DEUP1: variants seen among roughly 807,000 people sequenced by gnomAD.
DEUP1 encodes the protein deuterosome assembly protein 1, also known as coiled-coil domain containing 67.
Under a neutral mutation model 87.4 loss-of-function variants are expected in DEUP1, and 82 were observed. The observed-to-expected ratio is 0.94, with a 90% CI of 0.78 to 1.13. The LOEUF (loss-of-function observed/expected upper bound fraction) is 1.13. DEUP1 is among the 50% of genes most tolerant of loss of function. The pLI, the probability that DEUP1 is intolerant of heterozygous loss-of-function variation, is 0.00. For missense variants in DEUP1, 663 were observed against 681.5 expected (o/e 0.97, Z 0.30); for synonymous variants, 214 against 222.7 (o/e 0.96, Z 0.35).
At chr11:93,436,471 T>TA (rs1948252159) in intron 13 of DEUP1, among the ~76,000 whole-genome samples, 1 of 152,202 alleles carries the variant, frequency 6.6e-6, no homozygotes, top group African/African-American at 2.4e-5. Flanking sequence ...TTGCCAATAT[T>TA]AAAAATAATG....
chr11:93,384,423 GCTTTAGGCAATT>G (rs1281978631), intron 7 of DEUP1, among the ~76,000 whole-genome samples: 1 of 152,112 alleles, frequency 6.6e-6, no homozygotes, highest in Non-Finnish European at 1.5e-5. Flanking sequence ...CCTTACTTTT[GCTTTAGGCAATT>G]CTCCCAATGT....
At chr11:93,437,222 T>C (rs1382299777) in intron 13 of DEUP1, among the ~76,000 whole-genome samples, 1 of 152,236 alleles carries the variant, frequency 6.6e-6, no homozygotes, top group Non-Finnish European at 1.5e-5. Flanking sequence ...CAAATGAAAA[T>C]CATTGGCTTT....
chr11:93,417,713 T>G (rs11493119), intron 13 of DEUP1, among the ~76,000 whole-genome samples: 97,295 of 128,542 alleles, frequency 0.76, 35,377 homozygotes, highest in East Asian at 0.81. Flanking sequence ...AAAAGAGCCC[T>G]CATCGCCAAG....
chr11:93,347,884 C>T (rs1023710093), intron 2 of DEUP1, among the ~76,000 whole-genome samples: 8 of 152,032 alleles, frequency 5.3e-5, no homozygotes, highest in African/African-American at 9.7e-5. Flanking sequence ...GGACTACAGG[C>T]GCGTGCCACC....
At chr11:93,335,243 G>T (rs1591069142) in intron 2 of DEUP1, among the ~76,000 whole-genome samples, 1 of 144,556 alleles carries the variant, frequency 6.9e-6, no homozygotes, top group Admixed American at 6.7e-5. Flanking sequence ...TACTGTCATA[G>T]TCATAGGATA....
At chr11:93,345,413 A>G (rs1944296527) in intron 2 of DEUP1, among the ~76,000 whole-genome samples, 1 of 152,156 alleles carries the variant, frequency 6.6e-6, no homozygotes, top group African/African-American at 2.4e-5. Flanking sequence ...TTCTGTTTTT[A>G]GGTCTTTGAG....
intron 13 of DEUP1, among the ~76,000 whole-genome samples, chr11:93,430,768 G>T (rs1948078864): frequency 6.6e-6 from 1 of 152,124 alleles, no homozygotes; most frequent in African/African-American, 2.4e-5. Flanking sequence ...AACAAGAGGA[G>T]AAAAATTAAT....
chr11:93,364,331 A>G, intron 5 of DEUP1, 37 bp downstream of exon 5: 1 of 1,568,340 alleles, frequency 6.4e-7, no homozygotes, highest in Non-Finnish European at 8.8e-7. Context: ...ATGTGTATTA[A>G]AGATTGATTC....
At chr11:93,400,461 C>T (rs1009839695) in intron 11 of DEUP1, among the ~76,000 whole-genome samples, 5 of 152,238 alleles carry the variant, frequency 3.3e-5, no homozygotes, top group African/African-American at 1.2e-4. Context: ...CATCCTCTCT[C>T]CTTATGTGTC....
At chr11:93,371,513 C>T (rs934580340) in intron 7 of DEUP1, among the ~76,000 whole-genome samples, 1 of 152,090 alleles carries the variant, frequency 6.6e-6, no homozygotes, top group African/African-American at 2.4e-5. Context: ...TAATGTATTA[C>T]CAGTGCAATA....
chr11:93,416,953 G>C (rs1171263006), intron 13 of DEUP1, among the ~76,000 whole-genome samples: 2 of 152,160 alleles, frequency 1.3e-5, no homozygotes, highest in Admixed American at 1.3e-4. Flanking sequence ...AATAGATTCA[G>C]AAAAAGCATT....
At chr11:93,403,429 T>A (rs970357009) in intron 11 of DEUP1, among the ~76,000 whole-genome samples, 1 of 151,898 alleles carries the variant, frequency 6.6e-6, no homozygotes, top group Non-Finnish European at 1.5e-5. Flanking sequence ...ATTTCAGTAA[T>A]TTGTATTTTT....
intron 2 of DEUP1, among the ~76,000 whole-genome samples, chr11:93,337,034 A>T (rs1472965678): frequency 2.0e-5 from 3 of 152,078 alleles, no homozygotes; most frequent in Non-Finnish European, 4.4e-5. Flanking sequence ...TTAGCCATTG[A>T]TCTCATTCAT....
chr11:93,413,691 A>G (rs1449470063), intron 12 of DEUP1, among the ~76,000 whole-genome samples: 2 of 152,204 alleles, frequency 1.3e-5, no homozygotes. Context: ...TAGTCAACAA[A>G]CCAAAATTCA....
intron 8 of DEUP1, among the ~76,000 whole-genome samples, chr11:93,388,286 A>C (rs1946652876): frequency 6.6e-6 from 1 of 152,180 alleles, no homozygotes; most frequent in Non-Finnish European, 1.5e-5. Context: ...TCCTCAAAAC[A>C]ACAGACTCCT....
At chr11:93,354,893 A>G (rs1944816904) in intron 2 of DEUP1, among the ~76,000 whole-genome samples, 1 of 152,170 alleles carries the variant, frequency 6.6e-6, no homozygotes, top group Non-Finnish European at 1.5e-5. Flanking sequence ...AACAGACACC[A>G]GCCATATCAT....
rs572896763 is a variant in DEUP1 at position 93,379,397 on chromosome 11, T to A, written c.790-6001T>A. 1.3e-3 allele frequency among the ~76,000 whole-genome samples: 198 copies of A among 152,226 alleles called. 1 individual carries two copies. The highest frequency in any genetic ancestry group is 4.6e-3 in the African/African-American group (190 of 41,560). On this transcript the variant is annotated intron_variant, in intron 7 of 13. Coordinates refer to ENST00000298050, the MANE Select transcript of DEUP1 (RefSeq NM_181645.4). ...CAGGAAGTAGAATGGAGAATCTTGTTAAAAGAAAAAATGCTGCAAACAGGG... is the reference window on the plus strand; with the variant it reads ...CAGGAAGTAGAATGGAGAATCTTGTAAAAAGAAAAAATGCTGCAAACAGGG...
intron 8 of DEUP1, among the ~76,000 whole-genome samples, chr11:93,386,487 G>T (rs1295660655): frequency 6.6e-6 from 1 of 152,170 alleles, no homozygotes; most frequent in African/African-American, 2.4e-5. Flanking sequence ...CCAGATCAAT[G>T]ATAGGATTTT....
chr11:93,437,743 T>TCCCCCC lies in DEUP1; in HGVS notation c.*28_*33dup, dbSNP rs5793640. 3.2e-6 allele frequency: 3 copies of TCCCCCC among 929,180 alleles called. No individual in the cohort carries two copies. Among genetic ancestry groups the TCCCCCC allele is most frequent in the African/African-American group, 2.0e-5 (1 of 50,554 alleles). 57.6% of individuals were successfully genotyped at this position (929,180 alleles called of 1,614,324 possible). A position where few individuals can be genotyped will look rare whatever the true frequency, so the allele number is the denominator to read the frequency against. ...GAGCTTTTAAACTTTTTTATTTGCTTCCCCCCCCCACCCCCGCCAAGAAAA... is the reference window on the plus strand; with the variant it reads ...GAGCTTTTAAACTTTTTTATTTGCTTCCCCCCCCCCCCCCCACCCCCGCCAAGAAAA... On this transcript the variant is annotated 3_prime_UTR_variant, in exon 14 of 14. Coordinates refer to ENST00000298050, the MANE Select transcript of DEUP1 (RefSeq NM_181645.4).
Sources: allele counts gnomAD v4.1 joint callset (sites outside exome capture counted in the v4.1 genomes callset), GRCh38; gene constraint gnomAD v4.1.1; transcripts MANE v1.5; gene names NCBI Gene and HGNC (gene_info 2026-07-23, HGNC 2026-07-21).